Variants in ZNHIT3 observed in about 807,000 individuals in gnomAD.
The protein encoded by ZNHIT3 is zinc finger HIT domain-containing protein 3.
ZNHIT3 carries 27 observed loss-of-function variants against 19.9 expected under a neutral mutation model. That is an observed-to-expected ratio of 1.36 (90% confidence interval 1.00 to 1.87). The LOEUF (loss-of-function observed/expected upper bound fraction) is 1.87. Ranked by LOEUF, ZNHIT3 falls within the 40% of genes most tolerant of loss-of-function variation. The pLI, the probability that ZNHIT3 is intolerant of heterozygous loss-of-function variation, is 0.00. For missense variants in ZNHIT3, 215 were observed against 185.6 expected (o/e 1.16, Z -0.92); for synonymous variants, 81 against 65.7 (o/e 1.23, Z -1.13).
In ZNHIT3 at chr17:36,486,980, C is replaced by T. The variant is rs2070575057; in HGVS notation, c.118+14C>T. 8.1e-6 allele frequency: 13 copies of T among 1,610,966 alleles called. No individual in the cohort carries two copies. Among genetic ancestry groups the T allele is most frequent in the Non-Finnish European group, 1.1e-5 (13 of 1,179,370 alleles). On this transcript the variant is annotated intron_variant, in intron 2 of 4. Transcript: ENST00000617429. The stretch of plus-strand genomic sequence containing the variant: ...GGAAGCACAAAGGTGAGCCCCGTCC[C>T]CGCCAGCCCTCGTACCACTGCGCAC...
chr17:36,498,470 C>G, downstream of ZNHIT3: 1 of 1,614,056 alleles, frequency 6.2e-7, no homozygotes, highest in Non-Finnish European at 8.5e-7. Context: ...TGGTCTGCAG[C>G]GGCGAGGTGC....
chr17:36,499,267 T>C, downstream of ZNHIT3: 1 of 431,954 alleles, frequency 2.3e-6, no homozygotes, highest in Admixed American at 4.2e-5. Context: ...TTCAAATACG[T>C]TTTTTTTTTT....
At chr17:36,487,156 T>G (rs144519790) in intron 2 of ZNHIT3, among the ~76,000 whole-genome samples, 190 bp downstream of exon 2, 1 of 152,324 alleles carries the variant, frequency 6.6e-6, no homozygotes, top group African/African-American at 2.4e-5. Context: ...GTTCCCTCTG[T>G]TGTCCCTGCC....
At chr17:36,499,210 A>C, downstream of ZNHIT3, 1 of 1,430,322 alleles carries the variant, frequency 7.0e-7, no homozygotes, top group Non-Finnish European at 9.7e-7. Flanking sequence ...GGGCCATTAG[A>C]GCTGTCAGTG....
In ZNHIT3 at chr17:36,495,408, G is replaced by A. The variant is rs138646911; in HGVS notation, c.*4G>A. ...ATCCCAGAATGAGGAGTCTTAAGAT[G>A]GATTATTGTGCTGCTTGCTCAAGCG... On this transcript the variant is annotated 3_prime_UTR_variant, in exon 5 of 5. Transcript: ENST00000617429. 118 of 1,591,150 alleles carry A rather than the reference G, an allele frequency of 7.4e-5. 1 individual carries two copies. In the African/African-American group the frequency reaches 1.4e-3, roughly 19 times the overall value.
intron 2 of ZNHIT3, chr17:36,491,097 T>G (rs908511933): frequency 1.3e-5 from 2 of 151,980 alleles, no homozygotes; most frequent in African/African-American, 4.8e-5. Context: ...GCGTTGGGAT[T>G]ACAGACGTGA....
intron 2 of ZNHIT3, chr17:36,490,128 G>T (rs1017595305): frequency 4.6e-5 from 7 of 151,930 alleles, no homozygotes; most frequent in African/African-American, 1.5e-4. Flanking sequence ...TCTTGCCTGT[G>T]TTTTTGAGAT....
At chr17:36,488,796 G>A (rs888266821) in intron 2 of ZNHIT3, among the ~76,000 whole-genome samples, 6 of 152,140 alleles carry the variant, frequency 3.9e-5, no homozygotes, top group African/African-American at 9.6e-5. Context: ...TAGCATATTC[G>A]CCCCAAATAA....
chr17:36,494,984 T>C (rs2070854886), intron 4 of ZNHIT3, among the ~76,000 whole-genome samples: 1 of 152,206 alleles, frequency 6.6e-6, no homozygotes, highest in Admixed American at 6.5e-5. Flanking sequence ...TAGTTTGATA[T>C]GCTGGTCTTA....
chr17:36,488,777 T>G (rs1043149261), intron 2 of ZNHIT3, among the ~76,000 whole-genome samples: 6 of 152,234 alleles, frequency 3.9e-5, no homozygotes, highest in Non-Finnish European at 8.8e-5. Flanking sequence ...AGGATCAAAT[T>G]AGGGTAATTA....
At chr17:36,496,357 A>G, downstream of ZNHIT3, 1 of 1,614,022 alleles carries the variant, frequency 6.2e-7, no homozygotes, top group Non-Finnish European at 8.5e-7. Flanking sequence ...TTCAGGGCAG[A>G]TGTCAGCATA....
chr17:36,494,745 G>A (rs1255537834), intron 4 of ZNHIT3, among the ~76,000 whole-genome samples: 1 of 152,126 alleles, frequency 6.6e-6, no homozygotes, highest in African/African-American at 2.4e-5. Flanking sequence ...TGGTGCTGCT[G>A]CATGCCAAAT....
intron 2 of ZNHIT3, chr17:36,491,514 C>T (rs1283788214): frequency 6.6e-6 from 1 of 152,094 alleles, no homozygotes; most frequent in Non-Finnish European, 1.5e-5. Flanking sequence ...ACTGTATTGT[C>T]TAGGCTGGTC....
downstream of ZNHIT3, chr17:36,495,866 GC>G (rs1299817038): frequency 2.4e-6 from 3 of 1,239,394 alleles, no homozygotes; most frequent in East Asian, 9.3e-5. Flanking sequence ...ATTTTTCCCA[GC>G]CCAAATTCCA....
downstream of ZNHIT3, among the ~76,000 whole-genome samples, chr17:36,497,282 G>A (rs1220153708): frequency 2.7e-5 from 4 of 150,136 alleles, no homozygotes; most frequent in Admixed American, 6.6e-5. Context: ...CATCCTGGGC[G>A]ACAGAGTGAG....
chr17:36,498,369 A>T (rs768830269), downstream of ZNHIT3: 5 of 1,614,012 alleles, frequency 3.1e-6, no homozygotes, highest in Non-Finnish European at 4.2e-6. Context: ...AGCCCAGACC[A>T]CTAATTTCCT....
intron 2 of ZNHIT3, among the ~76,000 whole-genome samples, chr17:36,488,270 C>T (rs748004858): frequency 6.6e-6 from 1 of 151,748 alleles, no homozygotes; most frequent in Non-Finnish European, 1.5e-5. Flanking sequence ...ACAGGCTGGG[C>T]GCAGTGGCTC....
At chr17:36,493,876 C>T (rs760533023) in intron 3 of ZNHIT3, 50 bp from the exon 4 acceptor site, 22 of 1,350,290 alleles carry the variant, frequency 1.6e-5, no homozygotes, top group Non-Finnish European at 2.3e-5. Context: ...AAATCTGGTG[C>T]CCAGGCCTCC....
chr17:36,496,340 G>T (rs769482440), downstream of ZNHIT3: 1 of 1,613,888 alleles, frequency 6.2e-7, no homozygotes, highest in African/African-American at 1.3e-5. Flanking sequence ...ATGCTGTAGG[G>T]TGAAGGTTCA....
Sources: allele counts gnomAD v4.1 joint callset (sites outside exome capture counted in the v4.1 genomes callset), GRCh38; gene constraint gnomAD v4.1.1; transcripts MANE v1.5; gene names NCBI Gene and HGNC (gene_info 2026-07-23, HGNC 2026-07-21).